The following MACROD2 variants were observed in gnomAD, a reference collection of about 807,000 sequenced individuals.
MACROD2 encodes ADP-ribose glycohydrolase MACROD2.
Under a neutral mutation model 70.4 loss-of-function variants are expected in MACROD2, and 36 were observed. The observed-to-expected ratio is 0.51, with a 90% CI of 0.39 to 0.68. MACROD2 has a LOEUF of 0.68. Ranked by LOEUF, MACROD2 falls within the 30% of genes least tolerant of loss-of-function variation. The pLI is 0.00. For missense variants in MACROD2, 496 were observed against 538.4 expected (o/e 0.92, Z 0.78); for synonymous variants, 172 against 178.8 (o/e 0.96, Z 0.30).
intron 3 of MACROD2, among the ~76,000 whole-genome samples, chr20:14,226,222 G>A (rs1316380137): frequency 2.6e-5 from 4 of 152,214 alleles, no homozygotes; most frequent in Non-Finnish European, 4.4e-5. Flanking sequence ...TTTCCATAGG[G>A]TCTGTGATGG....
At chr20:15,997,825 C>T (rs1405595841) in intron 15 of MACROD2, among the ~76,000 whole-genome samples, 1 of 152,000 alleles carries the variant, frequency 6.6e-6, no homozygotes, top group Non-Finnish European at 1.5e-5. Flanking sequence ...CAGCTGTGGG[C>T]TTGTCATATA....
intron 8 of MACROD2, among the ~76,000 whole-genome samples, chr20:15,627,238 A>C (rs1356618625): frequency 1.3e-5 from 2 of 151,886 alleles, no homozygotes; most frequent in South Asian, 2.1e-4. Context: ...CAAAAAAAAA[A>C]AAAAAAAAAA....
intron 2 of MACROD2, among the ~76,000 whole-genome samples, chr20:14,002,901 G>A (rs530279601): frequency 2.8e-4 from 43 of 152,236 alleles, no homozygotes; most frequent in South Asian, 1.2e-3. Flanking sequence ...GTATTTGTAT[G>A]ACAGAATTTA....
intron 5 of MACROD2, chr20:14,893,768 T>C (rs1445183226): frequency 6.6e-6 from 1 of 152,080 alleles, no homozygotes; most frequent in Non-Finnish European, 1.5e-5. Context: ...ATTAATATAA[T>C]ACATTATCCT....
chr20:14,462,548 A>G (rs2084384938), intron 3 of MACROD2, among the ~76,000 whole-genome samples: 1 of 151,582 alleles, frequency 6.6e-6, no homozygotes, highest in South Asian at 2.1e-4. Context: ...ATTAGATCCC[A>G]TTTGTCAATT....
intron 3 of MACROD2, among the ~76,000 whole-genome samples, chr20:14,392,688 T>C (rs1373311978): frequency 6.6e-6 from 1 of 152,184 alleles, no homozygotes. Flanking sequence ...TTTGTTATAA[T>C]GTATATGCCT....
At chr20:14,134,808 A>AAAC (rs1446376265) in intron 3 of MACROD2, among the ~76,000 whole-genome samples, 2,174 of 150,756 alleles carry the variant, frequency 0.014, 77 homozygotes, top group African/African-American at 0.051. Flanking sequence ...TGTCAAAAAA[A>AAAC]AAAAAAAAAA....
chr20:15,529,763 C>A (rs2047772082), intron 8 of MACROD2, among the ~76,000 whole-genome samples: 1 of 152,114 alleles, frequency 6.6e-6, no homozygotes, highest in Admixed American at 6.5e-5. Flanking sequence ...GATATCCGCC[C>A]CCCCCACCTT....
intron 6 of MACROD2, among the ~76,000 whole-genome samples, chr20:15,288,601 C>T (rs2077512838): frequency 6.6e-6 from 1 of 152,152 alleles, no homozygotes; most frequent in Non-Finnish European, 1.5e-5. Flanking sequence ...GGTGAATTTG[C>T]TCCTTTTTCT....
chr20:15,859,448 G>A (rs906721832), intron 8 of MACROD2, among the ~76,000 whole-genome samples: 4 of 152,134 alleles, frequency 2.6e-5, no homozygotes, highest in African/African-American at 9.7e-5. Context: ...GATGGAAAGC[G>A]CATCGCATGC....
At chr20:14,315,611 C>T (rs541646099) in intron 3 of MACROD2, among the ~76,000 whole-genome samples, 1 of 152,236 alleles carries the variant, frequency 6.6e-6, no homozygotes, top group South Asian at 2.1e-4. Context: ...TAGCATTTAA[C>T]TCTTATATGG....
At chr20:15,533,334 CA>C (rs2047828935) in intron 8 of MACROD2, among the ~76,000 whole-genome samples, 1 of 152,132 alleles carries the variant, frequency 6.6e-6, no homozygotes, top group African/African-American at 2.4e-5. Flanking sequence ...AAGAAATGTA[CA>C]TAGATCGTGA....
intron 8 of MACROD2, among the ~76,000 whole-genome samples, chr20:15,672,733 T>C (rs140850985): frequency 1.3e-5 from 2 of 152,300 alleles, no homozygotes; most frequent in African/African-American, 4.8e-5. Context: ...CCTTTCCTGC[T>C]GATTATAACT....
At chr20:15,071,311 G>C (rs2075617619) in intron 5 of MACROD2, among the ~76,000 whole-genome samples, 1 of 152,152 alleles carries the variant, frequency 6.6e-6, no homozygotes, top group Admixed American at 6.5e-5. Context: ...AAAGCAGATG[G>C]CATTTTAAGC....
intron 3 of MACROD2, among the ~76,000 whole-genome samples, chr20:14,390,520 A>G (rs2083515210): frequency 6.6e-6 from 1 of 152,350 alleles, no homozygotes; most frequent in South Asian, 2.1e-4. Flanking sequence ...TAACCAAAAC[A>G]GCATGGTACT....
intron 8 of MACROD2, among the ~76,000 whole-genome samples, chr20:15,638,551 C>T (rs116392124): frequency 2.1e-3 from 322 of 152,314 alleles, no homozygotes; most frequent in African/African-American, 7.5e-3. Context: ...CAGTGAACCT[C>T]AGGACTGTGG....
At chr20:14,067,126 T>TTG (rs1346971667) in intron 2 of MACROD2, among the ~76,000 whole-genome samples, 3 of 142,776 alleles carry the variant, frequency 2.1e-5, no homozygotes, top group Admixed American at 7.0e-5. Flanking sequence ...TTTTAGTGTT[T>TTG]TTTTTTTTTT....
chr20:15,471,704 G>C (rs1308706162), intron 7 of MACROD2, among the ~76,000 whole-genome samples: 1 of 151,614 alleles, frequency 6.6e-6, no homozygotes, highest in Non-Finnish European at 1.5e-5. Context: ...CATTTTTTTT[G>C]TATCTTCATC....
At chr20:14,509,188 G>A (rs2085001808) in intron 4 of MACROD2, among the ~76,000 whole-genome samples, 1 of 151,870 alleles carries the variant, frequency 6.6e-6, no homozygotes, top group Admixed American at 6.6e-5. Context: ...TAGGCTAGAG[G>A]GTTTTTTGTA....
Sources: allele counts gnomAD v4.1 joint callset (sites outside exome capture counted in the v4.1 genomes callset), GRCh38; gene constraint gnomAD v4.1.1; transcripts MANE v1.5; gene names NCBI Gene and HGNC (gene_info 2026-07-23, HGNC 2026-07-21).